CACNA1C: variants seen among roughly 807,000 people sequenced by gnomAD.
CACNA1C encodes the protein voltage-dependent L-type calcium channel subunit alpha-1C.
CACNA1C carries 30 observed loss-of-function variants against 229.0 expected under a neutral mutation model. The observed-to-expected ratio is 0.13, with a 90% CI of 0.10 to 0.18. The LOEUF (loss-of-function observed/expected upper bound fraction) is 0.18. CACNA1C is among the 10% of genes least tolerant of loss of function. The pLI, the probability that CACNA1C is intolerant of heterozygous loss-of-function variation, is 1.00. For synonymous variants in CACNA1C, 1,114 were observed against 1,132.5 expected (o/e 0.98, Z 0.33); for missense variants, 1,658 against 2,845.0 (o/e 0.58, Z 9.49).
intron 3 of CACNA1C, among the ~76,000 whole-genome samples, chr12:2,267,216 A>G (rs140043869): frequency 8.0e-4 from 122 of 152,306 alleles, no homozygotes; most frequent in Middle Eastern, 3.4e-3. Flanking sequence ...GCTGCCTGGC[A>G]AGGAGAACCC....
intron 9 of CACNA1C, among the ~76,000 whole-genome samples, chr12:2,535,233 C>T (rs1270113086): frequency 6.6e-6 from 1 of 151,006 alleles, no homozygotes; most frequent in African/African-American, 2.4e-5. Context: ...ACTAAAAATA[C>T]AAAAAATTAG....
intron 9 of CACNA1C, among the ~76,000 whole-genome samples, chr12:2,514,768 C>A (rs2099792741): frequency 6.6e-6 from 1 of 152,172 alleles, no homozygotes; most frequent in Non-Finnish European, 1.5e-5. Context: ...ACCGAGATAA[C>A]AGAACGTTGC....
At chr12:2,240,174 C>T (rs2069306791) in intron 3 of CACNA1C, among the ~76,000 whole-genome samples, 1 of 152,188 alleles carries the variant, frequency 6.6e-6, no homozygotes, top group Admixed American at 6.5e-5. Flanking sequence ...TCGCTCTTTG[C>T]TTGGCTTGAT....
At chr12:2,027,158 C>T (rs543359953) in intron 1 of CACNA1C, among the ~76,000 whole-genome samples, 61 of 152,320 alleles carry the variant, frequency 4.0e-4, no homozygotes, top group African/African-American at 1.4e-3. Context: ...CTGGTTTAAA[C>T]TCTCTTCCAG....
rs760812948 is a variant in CACNA1C, at chr12:2,682,560, C to T, written c.5455C>T (p.Arg1819Trp). 1.1e-5 allele frequency: 18 copies of T among 1,611,998 alleles called. No individual in the cohort carries two copies. Among genetic ancestry groups the T allele is most frequent in the African/African-American group, 6.7e-5 (5 of 74,854 alleles). Residue 1819 changes from arginine (R) to tryptophan (W), a missense_variant, in exon 43 of 47, where the codon CGG becomes TGG. Arg to Trp is a moderately radical substitution (Grantham distance 101). Transcript: ENST00000399655. Reference sequence around the variant, plus strand: ...TCTTGGATATTGTAGGTGCCACTCCCGGGAGAGCCAGGCAGCCATGGCGGG... The same window carrying T: ...TCTTGGATATTGTAGGTGCCACTCCTGGGAGAGCCAGGCAGCCATGGCGGG... The part of the protein sequence containing the change: ...WKLSSNRCHS[R>W]ESQAAMAGQE...
chr12:2,509,007 C>T (rs2099777746), intron 8 of CACNA1C, among the ~76,000 whole-genome samples: 1 of 152,212 alleles, frequency 6.6e-6, no homozygotes, highest in African/African-American at 2.4e-5. Flanking sequence ...AGCCTCTGGA[C>T]TCTGGTTGCT....
At chr12:2,561,685 G>A (rs924090689) in intron 11 of CACNA1C, among the ~76,000 whole-genome samples, 2 of 152,194 alleles carry the variant, frequency 1.3e-5, no homozygotes, top group South Asian at 4.1e-4. Flanking sequence ...CCAGTGTAGG[G>A]AGAAGGGCAG....
At chr12:2,533,423 C>T (rs1025263208) in intron 9 of CACNA1C, among the ~76,000 whole-genome samples, 2 of 152,204 alleles carry the variant, frequency 1.3e-5, no homozygotes, top group Non-Finnish European at 2.9e-5. Flanking sequence ...CCCCAAGATG[C>T]TCATTCATAC....
chr12:2,200,733 C>T (rs2097558229), intron 3 of CACNA1C, among the ~76,000 whole-genome samples: 1 of 152,174 alleles, frequency 6.6e-6, no homozygotes, highest in Non-Finnish European at 1.5e-5. Context: ...GTGGGAGTTA[C>T]TTAGATCGAC....
chr12:2,113,234 G>C (rs575778931), intron 1 of CACNA1C, among the ~76,000 whole-genome samples: 1 of 152,332 alleles, frequency 6.6e-6, no homozygotes, highest in African/African-American at 2.4e-5. Flanking sequence ...CTCTGGGGCA[G>C]GCTCTCTCTA....
intron 9 of CACNA1C, among the ~76,000 whole-genome samples, chr12:2,546,618 C>T (rs1418623514): frequency 1.3e-5 from 2 of 152,168 alleles, no homozygotes; most frequent in Admixed American, 1.3e-4. Context: ...TTCACGCCCT[C>T]CCATGCAGTG....
chr12:2,544,510 A>G (rs2099877535), intron 9 of CACNA1C, among the ~76,000 whole-genome samples: 1 of 152,234 alleles, frequency 6.6e-6, no homozygotes, highest in African/African-American at 2.4e-5. Context: ...GGTTGGTGCA[A>G]AAGAAATTGT....
At chr12:2,065,752 T>G (rs910965474) in intron 1 of CACNA1C, among the ~76,000 whole-genome samples, 4 of 151,798 alleles carry the variant, frequency 2.6e-5, no homozygotes, top group African/African-American at 9.7e-5. Flanking sequence ...CCTTGAAGGG[T>G]GGATAGAAAT....
At chr12:2,363,741 G>A (rs113070218) in intron 3 of CACNA1C, among the ~76,000 whole-genome samples, 29 of 152,098 alleles carry the variant, frequency 1.9e-4, no homozygotes, top group African/African-American at 6.7e-4. Context: ...AGCCTCTGGA[G>A]TCTTGATTTC....
chr12:2,150,566 C>G (rs540281601), intron 3 of CACNA1C, among the ~76,000 whole-genome samples: 1 of 152,336 alleles, frequency 6.6e-6, no homozygotes, highest in Admixed American at 6.5e-5. Context: ...AGTGCACTCC[C>G]TCTCCTCTAG....
At chr12:2,492,505 G>A (rs2099737711) in intron 6 of CACNA1C, among the ~76,000 whole-genome samples, 1 of 152,364 alleles carries the variant, frequency 6.6e-6, no homozygotes, top group Admixed American at 6.5e-5. Context: ...ATGAAATACA[G>A]TCAGTAGCGT....
In CACNA1C at chr12:2,608,574, G is replaced by A. The variant is rs1555884613; in HGVS notation, c.3420G>A (p.Val1140=). 1 of 1,613,874 alleles carries A rather than the reference G, an allele frequency of 6.2e-7. No homozygotes were observed. The highest frequency in any genetic ancestry group is 8.5e-7 in the Non-Finnish European group (1 of 1,179,836). Residue 1140 remains valine (V), a synonymous_variant, in exon 27 of 47, where the codon GTG becomes GTA. Coordinates refer to ENST00000399655, the MANE Select transcript of CACNA1C (RefSeq NM_000719.7). The surrounding 1 kb of genome is among the most constrained non-coding windows in gnomAD (Gnocchi z 4.2). ...EDKGPIYNYR[V]EISIFFIIYI... ...AGGGCCCCATCTACAACTACCGTGTGGAGATCTCCATCTTCTTCATCATCT... is the reference window on the plus strand; with the variant it reads ...AGGGCCCCATCTACAACTACCGTGTAGAGATCTCCATCTTCTTCATCATCT...
At chr12:2,574,714 C>T (rs1334514108) in intron 13 of CACNA1C, among the ~76,000 whole-genome samples, 2 of 152,278 alleles carry the variant, frequency 1.3e-5, no homozygotes, top group Non-Finnish European at 2.9e-5. Flanking sequence ...ACCTTCCCAG[C>T]TCTTCCATCA....
At chr12:2,286,277 T>C (rs1234532500) in intron 3 of CACNA1C, among the ~76,000 whole-genome samples, 1 of 152,200 alleles carries the variant, frequency 6.6e-6, no homozygotes, top group African/African-American at 2.4e-5. Context: ...GTTGTTTGCA[T>C]TAAAAGGGAG....
Sources: gnomAD v4.1 joint callset for allele counts (sites outside exome capture counted in the v4.1 genomes callset) on GRCh38, gnomAD v4.1.1 for gene constraint, Gnocchi (gnomAD v3.1) non-coding constraint, MANE v1.5 for transcripts, NCBI Gene and HGNC (gene_info 2026-07-23, HGNC 2026-07-21) for gene names.